The following FAM228B variants were observed in gnomAD, a reference collection of about 807,000 sequenced individuals.
FAM228B encodes family with sequence similarity 228 member B.
In FAM228B, 38 loss-of-function variants were observed where a neutral mutation model predicts 42.6. The ratio of observed to expected loss-of-function variants is 0.89; its 90% CI spans 0.69 to 1.17. The LOEUF is 1.17. FAM228B is among the 50% of genes most tolerant of loss of function. FAM228B has a pLI of 0.00. For synonymous variants in FAM228B, 109 were observed against 122.3 expected, an observed-to-expected ratio of 0.89 and a Z score of 0.72; for missense variants, 344 against 367.3, an observed-to-expected ratio of 0.94 and a Z score of 0.52.
rs1423897090 is a variant in FAM228B at position 24,124,274 on chromosome 2, A to G, written c.-32-56A>G. On this transcript the variant is annotated intron_variant, in intron 1 of 10. Transcript: ENST00000615575. ...TGCAAGGACACAGGTGGTATTAAACAGAAGAGAAAATCAGATGACTGTGAA... is the reference window on the plus strand; with the variant it reads ...TGCAAGGACACAGGTGGTATTAAACGGAAGAGAAAATCAGATGACTGTGAA... The G allele has an allele frequency of 5.7e-5, 51 of 890,046 alleles. No individual in the cohort carries two copies. The East Asian group carries it at 1.3e-3, about 23-fold the overall frequency. The allele number at this position is 890,046 out of a possible 1,614,324, so 55.1% of individuals were successfully genotyped here. A position where few individuals can be genotyped will look rare whatever the true frequency, so the allele number is the denominator to read the frequency against.
In FAM228B at chr2:24,161,665, G is replaced by C. The variant is rs1161277257; in HGVS notation, c.794+52G>C. 3.6e-6 allele frequency: 4 copies of C among 1,110,770 alleles called. No individual in the cohort carries two copies. The African/African-American group carries it at 6.2e-5, about 17-fold the overall frequency. The allele number at this position is 1,110,770 out of a possible 1,614,324, so 68.8% of individuals were successfully genotyped here. A position where few individuals can be genotyped will look rare whatever the true frequency, so the allele number is the denominator to read the frequency against. ...TCTTCTTTTGCTAAGATGCTAGGCT[G>C]TGCTGCCATCCCCTGCCATCCTTTC... On this transcript the variant is annotated intron_variant, in intron 8 of 10. Transcript: ENST00000615575.
intron 2 of FAM228B, among the ~76,000 whole-genome samples, chr2:24,091,029 A>C (rs1665378887): frequency 6.6e-6 from 1 of 152,246 alleles, no homozygotes; most frequent in Admixed American, 6.5e-5. Context: ...ATTATTATTT[A>C]ACATTAATTC....
At chr2:24,139,144 C>G (rs145005367) in intron 4 of FAM228B, among the ~76,000 whole-genome samples, 6 of 152,224 alleles carry the variant, frequency 3.9e-5, no homozygotes, top group African/African-American at 1.4e-4. Flanking sequence ...TTCCAACATT[C>G]TTTATTAAGA....
intron 3 of FAM228B, chr2:24,115,489 G>T: frequency 9.0e-7 from 1 of 1,106,772 alleles, no homozygotes; most frequent in Non-Finnish European, 1.3e-6. Context: ...AGTGCCTTCT[G>T]TCTAGTGTTT....
At chr2:24,098,286 A>G (rs1028190034) in intron 3 of FAM228B, among the ~76,000 whole-genome samples, 37 of 152,198 alleles carry the variant, frequency 2.4e-4, no homozygotes, top group Non-Finnish European at 4.9e-4. Context: ...CTGAGATCAG[A>G]GCAGAGATGA....
At chr2:24,083,189 T>G (rs1665093688) in intron 2 of FAM228B, 13 of 1,550,246 alleles carry the variant, frequency 8.4e-6, no homozygotes, top group Middle Eastern at 1.7e-4. Context: ...GTGAGCATGA[T>G]CAGAAATCTG....
chr2:24,129,134 C>G (rs188146767), intron 2 of FAM228B, among the ~76,000 whole-genome samples: 1 of 152,160 alleles, frequency 6.6e-6, no homozygotes, highest in East Asian at 1.9e-4. Flanking sequence ...TAGCTCTCCT[C>G]CCTCTAGTAC....
chr2:24,158,196 C>CTTTTTTTTGTTTTTTT (rs1667199852), intron 7 of FAM228B, among the ~76,000 whole-genome samples: 1 of 53,200 alleles, frequency 1.9e-5, no homozygotes. Flanking sequence ...TCTGAACCTC[C>CTTTTTTTTGTTTTTTT]TTTTTTTTTT....
At chr2:24,146,366 A>G (rs1666895341) in intron 5 of FAM228B, among the ~76,000 whole-genome samples, 1 of 152,194 alleles carries the variant, frequency 6.6e-6, no homozygotes, top group African/African-American at 2.4e-5. Context: ...GTTTTGAGTA[A>G]TGTTAGTTAT....
intron 1 of FAM228B, chr2:24,079,417 CAT>C (rs764492517): frequency 1.9e-5 from 31 of 1,610,404 alleles, no homozygotes; most frequent in African/African-American, 5.4e-5. Flanking sequence ...GGTTAAATCA[CAT>C]GTTTTCTTTT....
upstream of FAM228B, chr2:24,119,498 G>T: frequency 9.9e-7 from 1 of 1,014,376 alleles, no homozygotes; most frequent in Non-Finnish European, 1.5e-6. Flanking sequence ...TAGCTGGTTT[G>T]AGTTGGATCT....
chr2:24,111,405 C>G (rs912755532), intron 3 of FAM228B, among the ~76,000 whole-genome samples: 1 of 152,170 alleles, frequency 6.6e-6, no homozygotes, highest in Non-Finnish European at 1.5e-5. Context: ...ACACACATAT[C>G]AATATGTTCA....
chr2:24,107,902 G>A (rs984803549), intron 3 of FAM228B, among the ~76,000 whole-genome samples: 2 of 152,086 alleles, frequency 1.3e-5, no homozygotes, highest in African/African-American at 4.8e-5. Flanking sequence ...AAAGCTATTG[G>A]AAGACAAGAA....
At chr2:24,130,267 A>C (rs914116062) in intron 2 of FAM228B, among the ~76,000 whole-genome samples, 1 of 152,224 alleles carries the variant, frequency 6.6e-6, no homozygotes, top group African/African-American at 2.4e-5. Context: ...GCTGCAATAA[A>C]CATACATGTG....
upstream of FAM228B, chr2:24,122,594 A>G (rs895241558): frequency 9.5e-6 from 11 of 1,162,216 alleles, no homozygotes; most frequent in African/African-American, 1.7e-4. Flanking sequence ...GCTAGCTTTT[A>G]AAAGGCATGT....
intron 3 of FAM228B, 107 bp from the exon 4 acceptor site, chr2:24,137,802 G>A (rs1666626553): frequency 5.8e-6 from 4 of 689,184 alleles, no homozygotes; most frequent in Non-Finnish European, 9.6e-6. Flanking sequence ...TGTCTCTGTG[G>A]GTTATTCTTA....
intron 7 of FAM228B, among the ~76,000 whole-genome samples, chr2:24,156,306 C>T (rs1558393789): frequency 6.6e-6 from 1 of 152,112 alleles, no homozygotes; most frequent in Non-Finnish European, 1.5e-5. Flanking sequence ...CAGCACTGGG[C>T]TCTGTCATAT....
intron 2 of FAM228B, chr2:24,083,236 T>TG: frequency 7.0e-7 from 1 of 1,433,314 alleles, no homozygotes; most frequent in Non-Finnish European, 9.3e-7. Flanking sequence ...CAAGATCCCC[T>TG]CTTTTTTTTT....
At chr2:24,161,685 C>A in intron 8 of FAM228B, 72 bp downstream of exon 8, 3 of 948,894 alleles carry the variant, frequency 3.2e-6, no homozygotes, top group Non-Finnish European at 5.0e-6. Context: ...CCCCTGCCAT[C>A]CTTTCATGTT....
Sources: allele counts gnomAD v4.1 joint callset (sites outside exome capture counted in the v4.1 genomes callset), GRCh38; gene constraint gnomAD v4.1.1; transcripts MANE v1.5; gene names NCBI Gene and HGNC (gene_info 2026-07-23, HGNC 2026-07-21).